The following CDV3 variants were observed in gnomAD, a reference collection of about 807,000 sequenced individuals.
The protein encoded by CDV3 is CDV3 homolog.
Under a neutral mutation model 24.5 loss-of-function variants are expected in CDV3, and 14 were observed. The observed-to-expected ratio is 0.57, with a 90% CI of 0.38 to 0.89. CDV3 has a LOEUF of 0.89. Ranked by LOEUF, CDV3 falls within the 40% of genes least tolerant of loss-of-function variation. CDV3 has a pLI of 0.00. For synonymous variants in CDV3, 114 were observed against 114.1 expected (o/e 1.00, Z 0.00); for missense variants, 304 against 310.2 (o/e 0.98, Z 0.15).
At chr3:133,587,677 C>G in intron 4 of CDV3, 1 of 1,299,126 alleles carries the variant, frequency 7.7e-7, no homozygotes, top group Non-Finnish European at 9.8e-7. Flanking sequence ...TAATACTGTT[C>G]AGTAGAAGAT....
chr3:133,585,198 C>T (rs1933460213), intron 3 of CDV3, among the ~76,000 whole-genome samples: 1 of 151,926 alleles, frequency 6.6e-6, no homozygotes, highest in Admixed American at 6.6e-5. Flanking sequence ...ACTACCGGGG[C>T]ATGCCACCTG....
At chr3:133,574,522 C>T (rs2074726908) in intron 1 of CDV3, 2 of 986,134 alleles carry the variant, frequency 2.0e-6, no homozygotes, top group East Asian at 2.3e-4. Context: ...TAGCCAAGGC[C>T]CGGGCGGCGC....
chr3:133,575,291 G>T (rs2074764115), intron 2 of CDV3, among the ~76,000 whole-genome samples, 176 bp downstream of exon 2: 1 of 152,210 alleles, frequency 6.6e-6, no homozygotes, highest in Non-Finnish European at 1.5e-5. Context: ...GCCCTTCCGT[G>T]TGCTCATGAA....
At chr3:133,576,251 C>T (rs1164814084) in intron 2 of CDV3, among the ~76,000 whole-genome samples, 1 of 152,214 alleles carries the variant, frequency 6.6e-6, no homozygotes, top group Non-Finnish European at 1.5e-5. Context: ...GGCTTCTCCA[C>T]TCTTGAGATT....
chr3:133,578,603 T>A (rs1247608079), intron 2 of CDV3, among the ~76,000 whole-genome samples: 1 of 152,242 alleles, frequency 6.6e-6, no homozygotes, highest in Non-Finnish European at 1.5e-5. Flanking sequence ...GAGAGACATT[T>A]CATCATCCAT....
Position 133,574,005 on chromosome 3 carries a change from G to T in CDV3, c.-40G>T, listed in dbSNP as rs1281792010. On this transcript the variant is annotated 5_prime_UTR_variant, in exon 1 of 5. Transcript: ENST00000264993. ...GCTCGGAGCCCCGCGGGCCGCGCCC[G>T]CCGCCGGCCCCACCCATCCGGGTCG... 5 of 1,030,304 alleles carry T rather than the reference G, an allele frequency of 4.9e-6. No homozygotes were observed. Among genetic ancestry groups the T allele is most frequent in the Admixed American group, 5.6e-5 (1 of 17,920 alleles). 63.8% of individuals were successfully genotyped at this position (1,030,304 alleles called of 1,614,324 possible).
intron 2 of CDV3, among the ~76,000 whole-genome samples, chr3:133,579,702 C>T (rs567028135): frequency 5.1e-4 from 77 of 152,280 alleles, no homozygotes; most frequent in South Asian, 2.1e-3. Context: ...AAGCGATTCT[C>T]CTGCCTCAGC....
Position 133,588,054 on chromosome 3 carries a change from G to A in CDV3, c.*8G>A. 6.2e-7 allele frequency: 1 copy of A among 1,611,212 alleles called. No homozygotes were observed. The highest frequency in any genetic ancestry group is 8.5e-7 in the Non-Finnish European group (1 of 1,179,070). ...CACTCACAATACAATTAAGGAATGG[G>A]CTTTGCTAACCCTTCTGAGGTAACT... is the stretch of plus-strand genomic sequence containing the variant. On this transcript the variant is annotated 3_prime_UTR_variant, in exon 5 of 5. Coordinates refer to ENST00000264993, the MANE Select transcript of CDV3 (RefSeq NM_017548.5).
Position 133,587,896 on chromosome 3 carries a change from G to A in CDV3, c.627G>A (p.Lys209=). 1 of 1,602,626 alleles carries A rather than the reference G, an allele frequency of 6.2e-7. No homozygotes were observed. Among genetic ancestry groups the A allele is most frequent in the Non-Finnish European group, 8.5e-7 (1 of 1,175,024 alleles). The part of the protein sequence containing the change: ...QSTAKHVESR[K]DKEMEKSFEV... ...ACTGATTACATTTCTTTTCCCTTAGGGATAAAGAAATGGAGAAGAGCTTTG... is the reference window on the plus strand; with the variant it reads ...ACTGATTACATTTCTTTTCCCTTAGAGATAAAGAAATGGAGAAGAGCTTTG... The change falls in exon 5 of 5, where the codon AAG becomes AAA. Residue 209 remains lysine (K), a splice_region_variant and synonymous_variant. Transcript: ENST00000264993.
intron 2 of CDV3, among the ~76,000 whole-genome samples, chr3:133,577,113 T>G (rs2074845499): frequency 1.3e-5 from 2 of 151,982 alleles, no homozygotes; most frequent in African/African-American, 4.8e-5. Context: ...CCCAAAGTGC[T>G]GGGATTACAG....
At chr3:133,574,396 C>G in intron 1 of CDV3, 112 bp downstream of exon 1, 1 of 950,768 alleles carries the variant, frequency 1.1e-6, no homozygotes, top group South Asian at 4.9e-5. Context: ...GCCGGGCGGA[C>G]GGGCGCGGGC....
intron 3 of CDV3, among the ~76,000 whole-genome samples, chr3:133,584,445 G>T (rs12695595): frequency 0.13 from 20,074 of 152,018 alleles, 1,863 homozygotes; most frequent in African/African-American, 0.27. Flanking sequence ...TAATATTCTC[G>T]TTAAATATTA....
In CDV3 at chr3:133,589,754, G is replaced by C. The variant is rs573547894; in HGVS notation, c.*1708G>C. 1 of 152,550 alleles carries C rather than the reference G, an allele frequency of 6.6e-6. No individual in the cohort carries two copies. The highest frequency in any genetic ancestry group is 6.5e-5 in the Admixed American group (1 of 15,290). 9.4% of individuals were successfully genotyped at this position (152,550 alleles called of 1,614,324 possible). A position where few individuals can be genotyped will look rare whatever the true frequency, so the allele number is the denominator to read the frequency against. Reference sequence around the variant, plus strand: ...TATCTCCTGACGGGACCTGCCACTCGCATCTGGGCAATGTTGACATTTGAG... The same window carrying C: ...TATCTCCTGACGGGACCTGCCACTCCCATCTGGGCAATGTTGACATTTGAG... On this transcript the variant is annotated 3_prime_UTR_variant, in exon 5 of 5. Transcript: ENST00000264993.
rs368432266 is a variant in CDV3 at position 133,587,371 on chromosome 3, G to A, written c.627-525G>A. On this transcript the variant is annotated intron_variant, in intron 4 of 4. Coordinates refer to ENST00000264993, the MANE Select transcript of CDV3 (RefSeq NM_017548.5). Reference sequence around the variant, plus strand: ...AGCTGGCTTGAATTTAAACCTCCACGTGGACTTGCTCCTCTGCTCTGTCTT... The same window carrying A: ...AGCTGGCTTGAATTTAAACCTCCACATGGACTTGCTCCTCTGCTCTGTCTT... The A allele has an allele frequency of 6.9e-5, 85 of 1,231,904 alleles. 4 individuals carry two copies. Among genetic ancestry groups the A allele is most frequent in the African/African-American group, 2.0e-4 (13 of 64,092 alleles). 76.3% of individuals were successfully genotyped at this position (1,231,904 alleles called of 1,614,324 possible). A position where few individuals can be genotyped will look rare whatever the true frequency, so the allele number is the denominator to read the frequency against.
At chr3:133,586,795 T>A in intron 4 of CDV3, 73 bp downstream of exon 4, 1 of 882,050 alleles carries the variant, frequency 1.1e-6, no homozygotes, top group Non-Finnish European at 1.9e-6. Context: ...ATAGGGGATG[T>A]GCATACCCAC....
Position 133,574,167 on chromosome 3 carries a change from C to G in CDV3, c.123C>G (p.Ser41Arg). Reference sequence around the variant, plus strand: ...GCGCAGCGGGCAGCGCCGGCGGAAGCAGTGGAGCCGCGGGTGCGGCGGGCG... The same window carrying G: ...GCGCAGCGGGCAGCGCCGGCGGAAGGAGTGGAGCCGCGGGTGCGGCGGGCG... ...AAGAAGSAGG[S>R]SGAAGAAGGG... The change falls in exon 1 of 5, where the codon AGC (serine) becomes AGG (arginine). Residue 41 changes from serine (S) to arginine (R), a missense_variant. By Grantham distance (110) the Ser-to-Arg change is moderately radical (BLOSUM62 -1). Coordinates refer to ENST00000264993, the MANE Select transcript of CDV3 (RefSeq NM_017548.5). 9.0e-7 allele frequency: 1 copy of G among 1,106,698 alleles called. No homozygotes were observed. Among genetic ancestry groups the G allele is most frequent in the Non-Finnish European group, 1.1e-6 (1 of 898,180 alleles). The allele number at this position is 1,106,698 out of a possible 1,614,324, so 68.6% of individuals were successfully genotyped here. A position where few individuals can be genotyped will look rare whatever the true frequency, so the allele number is the denominator to read the frequency against.
Position 133,577,251 on chromosome 3 carries a change from A to T in CDV3, c.317+2136A>T, listed in dbSNP as rs74735599. 1.0e-4 allele frequency among the ~76,000 whole-genome samples: 15 copies of T among 149,958 alleles called. No individual in the cohort carries two copies. The East Asian group carries it at 2.9e-3, about 29-fold the overall frequency. ...CCACTAACCTGCAACACTGAGAAACACTCCTTCCCATATGTTCTTCACTCA... is the reference window on the plus strand; with the variant it reads ...CCACTAACCTGCAACACTGAGAAACTCTCCTTCCCATATGTTCTTCACTCA... On this transcript the variant is annotated intron_variant, in intron 2 of 4. Coordinates refer to ENST00000264993, the MANE Select transcript of CDV3 (RefSeq NM_017548.5).
chr3:133,574,082 T>C lies in CDV3; in HGVS notation c.38T>C (p.Phe13Ser). ...GAGGAGCGGAGCCTGGACAACTTCT[T>C]TGCCAAGAGGGACAAGAAGAAGAAG... ...ETEERSLDNF[F>S]AKRDKKKKKE... The change falls in exon 1 of 5, where the codon TTT becomes TCT. Residue 13 changes from phenylalanine (F) to serine (S), a missense_variant. Phe to Ser is a radical substitution (Grantham distance 155). Coordinates refer to ENST00000264993, the MANE Select transcript of CDV3 (RefSeq NM_017548.5). The C allele has an allele frequency of 8.1e-7, 1 of 1,237,522 alleles. No homozygotes were observed. Among genetic ancestry groups the C allele is most frequent in the Non-Finnish European group, 1.0e-6 (1 of 964,892 alleles). The allele number at this position is 1,237,522 out of a possible 1,614,324, so 76.7% of individuals were successfully genotyped here. A position where few individuals can be genotyped will look rare whatever the true frequency, so the allele number is the denominator to read the frequency against.
chr3:133,587,276 T>G, intron 4 of CDV3: 1 of 1,279,560 alleles, frequency 7.8e-7, no homozygotes, highest in South Asian at 3.2e-5. Context: ...GTAAATGACA[T>G]CAGATGGAAA....
Sources: gnomAD v4.1 joint callset for allele counts (sites outside exome capture counted in the v4.1 genomes callset) on GRCh38, gnomAD v4.1.1 for gene constraint, MANE v1.5 for transcripts, NCBI Gene and HGNC (gene_info 2026-07-23, HGNC 2026-07-21) for gene names.